IFNGR2: variants seen among roughly 807,000 people sequenced by gnomAD.
IFNGR2 encodes the protein interferon gamma receptor 2.
A neutral mutation model predicts 41.1 loss-of-function variants in IFNGR2; 15 were observed. The ratio of observed to expected loss-of-function variants is 0.37; its 90% CI spans 0.24 to 0.56. IFNGR2 has a LOEUF of 0.56. Among genes scored for constraint, IFNGR2 ranks in the 20% least tolerant of loss-of-function variants. The pLI is 0.81. For missense variants in IFNGR2, 362 were observed against 415.7 expected, an observed-to-expected ratio of 0.87 and a Z score of 1.12; for synonymous variants, 161 against 171.6, an observed-to-expected ratio of 0.94 and a Z score of 0.48.
intron 4 of IFNGR2, among the ~76,000 whole-genome samples, chr21:33,431,207 A>C (rs942084180): frequency 1.3e-5 from 2 of 152,198 alleles, no homozygotes; most frequent in African/African-American, 4.8e-5. Flanking sequence ...TTGGGAATGA[A>C]AGGAACATTA....
chr21:33,411,010 CAG>C, intron 1 of IFNGR2: 1 of 780,440 alleles, frequency 1.3e-6, no homozygotes, highest in South Asian at 1.5e-5. Flanking sequence ...GCCTGGAACA[CAG>C]AGGCTGGGCT....
At chr21:33,415,061 G>C in intron 2 of IFNGR2, 41 bp downstream of exon 2, 1 of 1,612,614 alleles carries the variant, frequency 6.2e-7, no homozygotes, top group Non-Finnish European at 8.5e-7. Flanking sequence ...GGGAGCTGTG[G>C]GGGCATCGTG....
In IFNGR2 at chr21:33,414,876, G is replaced by A; in HGVS notation, c.74-12G>A. The A allele has an allele frequency of 1.9e-6, 3 of 1,609,554 alleles. No homozygotes were observed. The highest frequency in any genetic ancestry group is 2.5e-6 in the Non-Finnish European group (3 of 1,177,986). On this transcript the variant is annotated splice_polypyrimidine_tract_variant and intron_variant, in intron 1 of 6. Coordinates refer to ENST00000290219, the MANE Select transcript of IFNGR2 (RefSeq NM_005534.4). ...CCCTTCCTCCCTCTTCTTTTTCTCTGTCCCCCTCAAGACCCTCTTTCCCAG... is the reference window on the plus strand; with the variant it reads ...CCCTTCCTCCCTCTTCTTTTTCTCTATCCCCCTCAAGACCCTCTTTCCCAG...
rs141676077 is a variant in IFNGR2, at chr21:33,423,333, C to T, written c.412+1648C>T. The stretch of plus-strand genomic sequence containing the variant: ...GGATTACAGGCGTGAGCCACCGCAC[C>T]CAGCCTATCTTCTCTCTACTTTCTA... On this transcript the variant is annotated intron_variant, in intron 3 of 6. Coordinates refer to ENST00000290219, the MANE Select transcript of IFNGR2 (RefSeq NM_005534.4). Among the ~76,000 whole-genome samples the T allele has an allele frequency of 6.6e-3, 1,002 of 150,722 alleles. 7 individuals are homozygous for T. Among genetic ancestry groups the T allele is most frequent in the African/African-American group, 0.023 (950 of 41,112 alleles).
At chr21:33,415,554 T>C (rs1382407099) in intron 2 of IFNGR2, among the ~76,000 whole-genome samples, 1 of 152,226 alleles carries the variant, frequency 6.6e-6, no homozygotes, top group Non-Finnish European at 1.5e-5. Context: ...TATAAATACA[T>C]ATAGAAAGAG....
chr21:33,427,670 C>A (rs537097655), intron 4 of IFNGR2, among the ~76,000 whole-genome samples: 25 of 152,074 alleles, frequency 1.6e-4, no homozygotes, highest in Non-Finnish European at 3.5e-4. Flanking sequence ...TGAAGCATCT[C>A]CAGTGCCTAA....
At chr21:33,432,149 A>ATGTG (rs759590924) in intron 4 of IFNGR2, 28 bp from the exon 5 acceptor site, 1 of 1,608,114 alleles carries the variant, frequency 6.2e-7, no homozygotes, top group Non-Finnish European at 8.5e-7. Flanking sequence ...GTTCATTTAC[A>ATGTG]TGTGTGCTTG....
chr21:33,422,615 G>A (rs953874039), intron 3 of IFNGR2, among the ~76,000 whole-genome samples: 1 of 152,018 alleles, frequency 6.6e-6, no homozygotes, highest in Non-Finnish European at 1.5e-5. Context: ...GGTGGCTCAC[G>A]CCTATAATCC....
At chr21:33,428,753 G>C (rs2083861359) in intron 4 of IFNGR2, among the ~76,000 whole-genome samples, 1 of 152,190 alleles carries the variant, frequency 6.6e-6, no homozygotes, top group Admixed American at 6.5e-5. Context: ...AGATAGGATG[G>C]GCCCTCTGGC....
At chr21:33,434,807 G>C (rs1295135224) in intron 6 of IFNGR2, among the ~76,000 whole-genome samples, 1 of 152,092 alleles carries the variant, frequency 6.6e-6, no homozygotes. Context: ...CTCCTAACAG[G>C]TCTCAGAATC....
At position 33,437,219 on chromosome 21, in the gene IFNGR2, A is replaced by G. The variant is rs796921132; in HGVS notation, c.*257A>G. 3.0e-5 allele frequency: 14 copies of G among 462,060 alleles called. No homozygotes were observed. The highest frequency in any genetic ancestry group is 2.8e-4 in the African/African-American group (14 of 50,896). 28.6% of individuals were successfully genotyped at this position (462,060 alleles called of 1,614,324 possible). ...AAAATTAAGGCTTCTCTTAAACACT[A>G]AAAAGGCATGTAATTGCTTGTTAGC... On this transcript the variant is annotated 3_prime_UTR_variant, in exon 7 of 7. Coordinates refer to ENST00000290219, the MANE Select transcript of IFNGR2 (RefSeq NM_005534.4).
chr21:33,420,935 G>C (rs759401911), intron 2 of IFNGR2, among the ~76,000 whole-genome samples: 1 of 151,972 alleles, frequency 6.6e-6, no homozygotes, highest in African/African-American at 2.4e-5. Flanking sequence ...AGTGGCTCAC[G>C]CTTGTAATTT....
At chr21:33,421,836 G>A (rs2083795729) in intron 3 of IFNGR2, 151 bp downstream of exon 3, 5 of 747,116 alleles carry the variant, frequency 6.7e-6, no homozygotes, top group Non-Finnish European at 1.2e-5. Flanking sequence ...GACCTTGGAG[G>A]CTGATGCTAA....
chr21:33,405,619 G>A (rs1408131631), intron 1 of IFNGR2, among the ~76,000 whole-genome samples: 1 of 152,182 alleles, frequency 6.6e-6, no homozygotes, highest in African/African-American at 2.4e-5. Flanking sequence ...GATGTATTTA[G>A]AAACTATAGT....
At chr21:33,428,604 T>C (rs2083859962) in intron 4 of IFNGR2, among the ~76,000 whole-genome samples, 1 of 151,978 alleles carries the variant, frequency 6.6e-6, no homozygotes, top group African/African-American at 2.4e-5. Flanking sequence ...ATCTAGGAAA[T>C]AGGGAAAAAT....
intron 1 of IFNGR2, 102 bp downstream of exon 1, chr21:33,403,718 C>A: frequency 1.3e-6 from 1 of 767,258 alleles, no homozygotes; most frequent in Non-Finnish European, 1.8e-6. Flanking sequence ...CTGCCGGGTG[C>A]TCAGAGTGGG....
intron 1 of IFNGR2, chr21:33,410,763 C>A: frequency 9.8e-7 from 1 of 1,020,644 alleles, no homozygotes; most frequent in South Asian, 1.4e-5. Context: ...CCACCACGCC[C>A]ATCCAATTAG....
intron 3 of IFNGR2, among the ~76,000 whole-genome samples, chr21:33,422,007 G>A (rs1020561525): frequency 3.2e-4 from 49 of 152,340 alleles, no homozygotes; most frequent in African/African-American, 1.1e-3. Context: ...TAGAGTAGTT[G>A]CAATAGCAGC....
intron 5 of IFNGR2, 61 bp from the exon 6 acceptor site, chr21:33,432,653 A>G: frequency 6.4e-7 from 1 of 1,564,338 alleles, no homozygotes; most frequent in Non-Finnish European, 8.8e-7. Context: ...ATGGAACATT[A>G]ACTGATGTTT....
Sources: gnomAD v4.1 joint callset for allele counts (sites outside exome capture counted in the v4.1 genomes callset) on GRCh38, gnomAD v4.1.1 for gene constraint, MANE v1.5 for transcripts, NCBI Gene and HGNC (gene_info 2026-07-23, HGNC 2026-07-21) for gene names.